The following TTC23L variants were observed in gnomAD, a reference collection of about 807,000 sequenced individuals.
TTC23L encodes the protein tetratricopeptide repeat domain 23 like, also known as tetratricopeptide repeat protein 23-like.
TTC23L carries 42 observed loss-of-function variants against 48.1 expected under a neutral mutation model. The observed-to-expected ratio is 0.87, with a 90% CI of 0.68 to 1.13. The LOEUF (loss-of-function observed/expected upper bound fraction) is 1.13. Among genes scored for constraint, TTC23L ranks in the 50% most tolerant of loss-of-function variants. TTC23L has a pLI of 0.00. For missense variants in TTC23L, 391 were observed against 421.0 expected, an observed-to-expected ratio of 0.93 and a Z score of 0.62; for synonymous variants, 159 against 157.2, an observed-to-expected ratio of 1.01 and a Z score of -0.09.
Position 34,841,132 on chromosome 5 carries a change from C to T in TTC23L, c.68+393C>T, listed in dbSNP as rs564116339. On this transcript the variant is annotated intron_variant, in intron 2 of 10. Transcript: ENST00000505624. ...TATAATATCTGTTTGTATTTACAACCTATGCATGATAGAAGATTGCTTTTT... is the reference window on the plus strand; with the variant it reads ...TATAATATCTGTTTGTATTTACAACTTATGCATGATAGAAGATTGCTTTTT... Among the ~76,000 whole-genome samples, 5 of 152,118 alleles carry T rather than the reference C, an allele frequency of 3.3e-5. No individual in the cohort carries two copies. The South Asian group carries it at 8.3e-4, about 25-fold the overall frequency.
At chr5:34,845,427 T>C in intron 2 of TTC23L, 60 bp from the exon 3 acceptor site, 1 of 1,542,102 alleles carries the variant, frequency 6.5e-7, no homozygotes, top group South Asian at 1.2e-5. Flanking sequence ...CCCTTCAATT[T>C]TACCTTGTTT....
At chr5:34,902,253 C>G (rs1026553787), downstream of TTC23L, among the ~76,000 whole-genome samples, 3 of 151,860 alleles carry the variant, frequency 2.0e-5, no homozygotes, top group Non-Finnish European at 4.4e-5. Flanking sequence ...GGCTCTCTAC[C>G]AAAAATACAA....
chr5:34,896,418 A>C (rs1234038975), intron 9 of TTC23L, among the ~76,000 whole-genome samples: 1 of 152,164 alleles, frequency 6.6e-6, no homozygotes, highest in East Asian at 1.9e-4. Context: ...GAGAAAGAGC[A>C]CTGTACTCTG....
intron 10 of TTC23L, among the ~76,000 whole-genome samples, chr5:34,899,130 G>A (rs1045903555): frequency 1.3e-5 from 2 of 152,142 alleles, no homozygotes; most frequent in African/African-American, 4.8e-5. Flanking sequence ...TTTGCCATCT[G>A]AATCAAGGGA....
chr5:34,892,833 G>A (rs1440840169), intron 9 of TTC23L, among the ~76,000 whole-genome samples: 4 of 152,180 alleles, frequency 2.6e-5, no homozygotes, highest in South Asian at 2.1e-4. Context: ...AAGGAGGGAC[G>A]TGCTGGACAT....
At chr5:34,859,120 G>A (rs163233) in intron 4 of TTC23L, among the ~76,000 whole-genome samples, 55,118 of 151,930 alleles carry the variant, frequency 0.36, 10,695 homozygotes, top group African/African-American at 0.51. Context: ...AGGAGTGTCC[G>A]CTCATTTGGG....
chr5:34,914,878 G>C, the TTC23L span: 1 of 1,614,014 alleles, frequency 6.2e-7, no homozygotes, highest in Non-Finnish European at 8.5e-7. Flanking sequence ...GGATCTGTTG[G>C]GTCAGAAGGG....
intron 1 of TTC23L, chr5:34,839,548 A>T: frequency 1.2e-6 from 1 of 801,534 alleles, no homozygotes; most frequent in Non-Finnish European, 1.5e-6. Context: ...GGAGTTTGAG[A>T]GATCAGAACT....
chr5:34,914,552 T>C, the TTC23L span: 1 of 755,296 alleles, frequency 1.3e-6, no homozygotes, highest in Non-Finnish European at 2.1e-6. Flanking sequence ...CTTAAGACTA[T>C]TATTTATTTA....
chr5:34,851,512 G>A (rs1209871581), intron 4 of TTC23L, among the ~76,000 whole-genome samples: 1 of 152,150 alleles, frequency 6.6e-6, no homozygotes, highest in Admixed American at 6.5e-5. Context: ...GTGATGCTGT[G>A]GGTCACAGTG....
downstream of TTC23L, among the ~76,000 whole-genome samples, chr5:34,900,891 C>T (rs528990091): frequency 1.7e-4 from 26 of 149,848 alleles, no homozygotes; most frequent in African/African-American, 5.8e-4. Flanking sequence ...TGGATATTCA[C>T]AACATCTGCG....
chr5:34,888,944 T>A lies in TTC23L; in HGVS notation c.1078-7826T>A, dbSNP rs1407326391. On this transcript the variant is annotated intron_variant, in intron 9 of 10. Coordinates refer to ENST00000505624, the Ensembl canonical transcript of TTC23L. ...TCCCTAAACATAAGGCAAGTTTTTT[T>A]AGGATACAGTTGTCTCCAAAGTTAA... 2.0e-5 allele frequency among the ~76,000 whole-genome samples: 3 copies of A among 152,316 alleles called. No individual in the cohort carries two copies. In the East Asian group the frequency reaches 5.8e-4, roughly 29 times the overall value.
intron 4 of TTC23L, among the ~76,000 whole-genome samples, chr5:34,862,263 T>C (rs568725141): frequency 6.7e-4 from 102 of 152,312 alleles, no homozygotes; most frequent in African/African-American, 2.4e-3. Context: ...GCTTTCTTTT[T>C]ATGTGTGTTG....
chr5:34,880,587 A>T, intron 9 of TTC23L: 1 of 432,412 alleles, frequency 2.3e-6, no homozygotes. Flanking sequence ...CTCGATATTG[A>T]TGGCAAAAGA....
At chr5:34,902,600 T>C (rs1763534497), downstream of TTC23L, among the ~76,000 whole-genome samples, 1 of 152,288 alleles carries the variant, frequency 6.6e-6, no homozygotes, top group Middle Eastern at 3.4e-3. Flanking sequence ...GTACCCAAGG[T>C]ATAGTGAGTT....
chr5:34,910,146 A>C, the TTC23L span, among the ~76,000 whole-genome samples: 2 of 152,132 alleles, frequency 1.3e-5, no homozygotes, highest in African/African-American at 4.8e-5. Context: ...TGTCGCAGGT[A>C]CTTAAAATTT....
chr5:34,872,117 CAAAA>C (rs371443637), intron 8 of TTC23L, among the ~76,000 whole-genome samples: 4 of 128,774 alleles, frequency 3.1e-5, no homozygotes, highest in Admixed American at 1.5e-4. Flanking sequence ...ATCTCTACCA[CAAAA>C]AAAAAAAAAA....
the TTC23L span, chr5:34,908,715 G>C: frequency 6.8e-7 from 1 of 1,462,016 alleles, no homozygotes; most frequent in African/African-American, 1.4e-5. Flanking sequence ...CTCAGAATAA[G>C]AACTTCATCT....
At chr5:34,889,646 A>G (rs1159430416) in intron 9 of TTC23L, among the ~76,000 whole-genome samples, 1 of 152,216 alleles carries the variant, frequency 6.6e-6, no homozygotes, top group African/African-American at 2.4e-5. Context: ...ACAGAGGATC[A>G]GCCACAGGAC....
Sources: gnomAD v4.1 joint callset for allele counts (sites outside exome capture counted in the v4.1 genomes callset) on GRCh38, gnomAD v4.1.1 for gene constraint, MANE v1.5 for transcripts, NCBI Gene and HGNC (gene_info 2026-07-23, HGNC 2026-07-21) for gene names.